Variants in IRF2 observed in about 807,000 individuals in gnomAD.
IRF2 encodes the protein interferon regulatory factor 2.
A neutral mutation model predicts 40.6 loss-of-function variants in IRF2; 15 were observed. The observed-to-expected ratio is 0.37, with a 90% CI of 0.25 to 0.57. The LOEUF is 0.57. IRF2 is among the 20% of genes least tolerant of loss of function. The pLI is 0.77. For missense variants in IRF2, 317 were observed against 455.7 expected (o/e 0.70, Z 2.77); for synonymous variants, 151 against 165.5 (o/e 0.91, Z 0.67).
intron 6 of IRF2, among the ~76,000 whole-genome samples, chr4:184,404,089 C>T (rs1736764226): frequency 6.6e-6 from 1 of 152,154 alleles, no homozygotes; most frequent in Non-Finnish European, 1.5e-5. Flanking sequence ...AGAGAAAGTG[C>T]TTAAAAGCAG....
At chr4:184,429,179 TG>T in intron 1 of IRF2, 109 bp from the exon 2 acceptor site, 2 of 494,162 alleles carry the variant, frequency 4.0e-6, no homozygotes. Context: ...TTCCTGGGGC[TG>T]GGGACCAGGG....
At chr4:184,402,324 C>T (rs1156815180) in intron 6 of IRF2, among the ~76,000 whole-genome samples, 1 of 152,156 alleles carries the variant, frequency 6.6e-6, no homozygotes, top group Middle Eastern at 3.2e-3. Context: ...CACCATGCCC[C>T]TGACTTCTGG....
chr4:184,396,436 CTT>C (rs749998648), intron 7 of IRF2, among the ~76,000 whole-genome samples: 20 of 134,628 alleles, frequency 1.5e-4, no homozygotes, highest in Admixed American at 2.2e-4. Flanking sequence ...ATTTTTTTTT[CTT>C]TTTTTTTTTT....
chr4:184,421,408 T>G (rs1737478014), intron 2 of IRF2, among the ~76,000 whole-genome samples: 1 of 152,156 alleles, frequency 6.6e-6, no homozygotes, highest in Non-Finnish European at 1.5e-5. Context: ...AAAAGGACAG[T>G]GATCAGAAAG....
chr4:184,463,361 C>T (rs1359358814), intron 1 of IRF2, among the ~76,000 whole-genome samples: 1 of 152,172 alleles, frequency 6.6e-6, no homozygotes, highest in East Asian at 1.9e-4. Context: ...AGCCACCAGC[C>T]ACATGGGTCT....
At chr4:184,447,712 G>T (rs1037585669) in intron 1 of IRF2, among the ~76,000 whole-genome samples, 1 of 152,218 alleles carries the variant, frequency 6.6e-6, no homozygotes, top group Non-Finnish European at 1.5e-5. Flanking sequence ...TCTCACCGCC[G>T]TGATATTCTT....
intron 7 of IRF2, among the ~76,000 whole-genome samples, chr4:184,395,279 T>A (rs57747949): frequency 1.3e-5 from 2 of 151,570 alleles, no homozygotes; most frequent in Admixed American, 6.6e-5. Context: ...CGGGCTTGGT[T>A]GTGGGTGCCT....
At chr4:184,455,472 C>T (rs539266916) in intron 1 of IRF2, among the ~76,000 whole-genome samples, 3 of 151,564 alleles carry the variant, frequency 2.0e-5, no homozygotes, top group Non-Finnish European at 4.4e-5. Flanking sequence ...GCAACCAAAG[C>T]TTACAGCTTC....
In IRF2 at chr4:184,466,060, G is replaced by GTTTTTTT. The variant is rs750400403; in HGVS notation, c.-7+8318_-7+8319insAAAAAAA. On this transcript the variant is annotated intron_variant, in intron 1 of 8. Transcript: ENST00000393593. Reference sequence around the variant, plus strand: ...AACTTGTCCCATCTGGTTGTTTTTTGTTTTTTGTTTTTTTTTTGAGATGAA... The same window carrying GTTTTTTT: ...AACTTGTCCCATCTGGTTGTTTTTTGTTTTTTTTTTTTTGTTTTTTTTTTGAGATGAA... Among the ~76,000 whole-genome samples, 23 of 109,666 alleles carry GTTTTTTT rather than the reference G, an allele frequency of 2.1e-4. 4 individuals are homozygous for GTTTTTTT. The highest frequency in any genetic ancestry group is 2.4e-4 in the Non-Finnish European group (12 of 49,022). 71.9% of individuals were successfully genotyped at this position (109,666 alleles called of 152,430 possible). A position where few individuals can be genotyped will look rare whatever the true frequency, so the allele number is the denominator to read the frequency against.
chr4:184,439,573 T>C (rs1472381239), intron 1 of IRF2, among the ~76,000 whole-genome samples: 2 of 152,160 alleles, frequency 1.3e-5, no homozygotes, highest in African/African-American at 4.8e-5. Context: ...ATTAATGGAA[T>C]AGAAACGTAT....
chr4:184,424,157 T>C (rs1737585011), intron 2 of IRF2, among the ~76,000 whole-genome samples: 1 of 152,200 alleles, frequency 6.6e-6, no homozygotes, highest in African/African-American at 2.4e-5. Flanking sequence ...TTTTTGTCAT[T>C]GGGCTACTCA....
chr4:184,457,130 G>A (rs1738970064), intron 1 of IRF2, among the ~76,000 whole-genome samples: 1 of 152,242 alleles, frequency 6.6e-6, no homozygotes, highest in Non-Finnish European at 1.5e-5. Context: ...TAGCCTCTGC[G>A]ACCTGTGAAT....
intron 1 of IRF2, among the ~76,000 whole-genome samples, chr4:184,450,059 G>A (rs555008350): frequency 6.6e-6 from 1 of 152,226 alleles, no homozygotes; most frequent in Non-Finnish European, 1.5e-5. Context: ...ATTCAAAAGT[G>A]TGTGGATGTT....
At chr4:184,410,231 A>AC (rs1478551742) in intron 5 of IRF2, among the ~76,000 whole-genome samples, 1 of 152,232 alleles carries the variant, frequency 6.6e-6, no homozygotes, top group Non-Finnish European at 1.5e-5. Context: ...ACCCTAGGGC[A>AC]CTGCGGACAG....
intron 5 of IRF2, among the ~76,000 whole-genome samples, chr4:184,412,360 G>A (rs1289614645): frequency 1.3e-5 from 2 of 152,064 alleles, no homozygotes; most frequent in African/African-American, 4.8e-5. Flanking sequence ...TTAGAGGACA[G>A]CAGAGGGACT....
intron 5 of IRF2, among the ~76,000 whole-genome samples, chr4:184,416,961 G>A (rs532040811): frequency 2.0e-4 from 30 of 152,226 alleles, no homozygotes; most frequent in Admixed American, 1.6e-3. Context: ...CAGGAGAATC[G>A]CTTGAACCCA....
intron 2 of IRF2, among the ~76,000 whole-genome samples, chr4:184,428,353 A>AG (rs1561105623): frequency 6.6e-6 from 1 of 152,256 alleles, no homozygotes; most frequent in East Asian, 1.9e-4. Flanking sequence ...AGCAAAAAAA[A>AG]GGAATTTGGA....
In IRF2 at chr4:184,408,197, T is replaced by C. The variant is rs149340805; in HGVS notation, c.490A>G (p.Thr164Ala). 25 of 1,611,596 alleles carry C rather than the reference T, an allele frequency of 1.6e-5. No individual in the cohort carries two copies. Among genetic ancestry groups the C allele is most frequent in the Middle Eastern group, 3.3e-4 (2 of 6,060 alleles). Residue 164 changes from threonine (T) to alanine (A), a missense_variant, in exon 6 of 9, where the codon ACT becomes GCT. Thr to Ala is a moderately conservative substitution (Grantham distance 58). Transcript: ENST00000393593. This position sits in a 1 kb window ranked among gnomAD's most constrained non-coding sequence, Gnocchi z 4.9. Reference protein sequence around the residue: ...LSPEYAVLTSTIKNEVDSTVN... With the variant: ...LSPEYAVLTSAIKNEVDSTVN... Reference sequence around the variant, plus strand: ...GTACTATCCACTTCATTTTTTATAGTTGAAGTCAGGACCGCATACTCAGGA... The same window carrying C: ...GTACTATCCACTTCATTTTTTATAGCTGAAGTCAGGACCGCATACTCAGGA...
At chr4:184,425,602 G>A (rs1468702981) in intron 2 of IRF2, among the ~76,000 whole-genome samples, 3 of 152,256 alleles carry the variant, frequency 2.0e-5, no homozygotes, top group Non-Finnish European at 2.9e-5. Flanking sequence ...CAGCTGTAGC[G>A]GAGGAGCCCT....
Sources: gnomAD v4.1 joint callset for allele counts (sites outside exome capture counted in the v4.1 genomes callset) on GRCh38, gnomAD v4.1.1 for gene constraint, Gnocchi (gnomAD v3.1) non-coding constraint, MANE v1.5 for transcripts, NCBI Gene and HGNC (gene_info 2026-07-23, HGNC 2026-07-21) for gene names.